The following PRKCA variants were observed in gnomAD, a reference collection of about 807,000 sequenced individuals.
The protein encoded by PRKCA is protein kinase C alpha.
Under a neutral mutation model 87.0 loss-of-function variants are expected in PRKCA, and 27 were observed. The observed-to-expected ratio is 0.31, with a 90% CI of 0.23 to 0.43. PRKCA has a LOEUF of 0.43. Among genes scored for constraint, PRKCA ranks in the 20% least tolerant of loss-of-function variants. The pLI, the probability that PRKCA is intolerant of heterozygous loss-of-function variation, is 1.00. For synonymous variants in PRKCA, 329 were observed against 311.1 expected, an observed-to-expected ratio of 1.06 and a Z score of -0.61; for missense variants, 518 against 852.3, an observed-to-expected ratio of 0.61 and a Z score of 4.88.
rs1399986113 is a variant in PRKCA at position 66,645,459 on chromosome 17, G to A, written c.477G>A (p.Arg159=). The change falls in exon 5 of 17, where the codon AGG becomes AGA. Residue 159 remains arginine (R), a synonymous_variant. Transcript: ENST00000413366. ...GCGGAATGGATCACACTGAGAAGAG[G>A]GGGCGGATTTACCTAAAGGCTGAGG... ...SLCGMDHTEK[R]GRIYLKAEVA... is the part of the protein sequence containing the mutation. 2 of 1,614,206 alleles carry A rather than the reference G, an allele frequency of 1.2e-6. No individual in the cohort carries two copies. Among genetic ancestry groups the A allele is most frequent in the Non-Finnish European group, 1.7e-6 (2 of 1,180,042 alleles).
chr17:66,592,984 G>A (rs976104111), intron 3 of PRKCA, among the ~76,000 whole-genome samples: 10 of 152,006 alleles, frequency 6.6e-5, no homozygotes, highest in Non-Finnish European at 1.5e-4. Flanking sequence ...TAGAGACAGG[G>A]TTTCACCACA....
chr17:66,763,680 G>A (rs769559447), intron 13 of PRKCA, among the ~76,000 whole-genome samples: 6 of 152,112 alleles, frequency 3.9e-5, no homozygotes, highest in Admixed American at 2.6e-4. Flanking sequence ...AAAGGCCACC[G>A]TTATTTTGTA....
intron 2 of PRKCA, among the ~76,000 whole-genome samples, chr17:66,380,943 C>CTTT (rs60151675): frequency 1.4e-5 from 2 of 142,762 alleles, no homozygotes; most frequent in African/African-American, 2.6e-5. Context: ...TTTTATTTTT[C>CTTT]TTTTTTTTTT....
At chr17:66,576,253 G>A (rs543168504) in intron 3 of PRKCA, among the ~76,000 whole-genome samples, 45 of 152,334 alleles carry the variant, frequency 3.0e-4, no homozygotes, top group South Asian at 1.0e-3. Flanking sequence ...TTTCATGTGC[G>A]CGGTTGCTCT....
rs535564569 is a variant in PRKCA at position 66,792,815 on chromosome 17, G to C, written c.1854+3836G>C. Among the ~76,000 whole-genome samples the C allele has an allele frequency of 6.6e-6, 1 of 152,314 alleles. No homozygotes were observed. Among genetic ancestry groups the C allele is most frequent in the South Asian group, 2.1e-4 (1 of 4,810 alleles). On this transcript the variant is annotated intron_variant, in intron 16 of 16. Coordinates refer to ENST00000413366, the MANE Select transcript of PRKCA (RefSeq NM_002737.3). The surrounding 1 kb of genome is among the most constrained non-coding windows in gnomAD (Gnocchi z 4.5). ...CCTGGCAGTGGCCATCTCCCCTGGT[G>C]GTGGCAGGGTCCCATGGCGGTGGTC...
chr17:66,745,180 C>T (rs958966830), intron 13 of PRKCA, among the ~76,000 whole-genome samples: 2 of 152,216 alleles, frequency 1.3e-5, no homozygotes, highest in African/African-American at 4.8e-5. Flanking sequence ...TGTTGGAGAA[C>T]CTCCTCACTG....
At chr17:66,469,349 CTG>C (rs1567845059) in intron 2 of PRKCA, among the ~76,000 whole-genome samples, 1 of 152,154 alleles carries the variant, frequency 6.6e-6, no homozygotes, top group African/African-American at 2.4e-5. Flanking sequence ...ATGAGGGGTG[CTG>C]TGTTTCTTAA....
At chr17:66,334,770 GAAT>G (rs1859106524) in intron 2 of PRKCA, among the ~76,000 whole-genome samples, 1 of 152,200 alleles carries the variant, frequency 6.6e-6, no homozygotes, top group African/African-American at 2.4e-5. Context: ...CTGCCCATAA[GAAT>G]TGAGAGCAGA....
chr17:66,787,275 C>T (rs1975423814), intron 15 of PRKCA: 6 of 497,060 alleles, frequency 1.2e-5, no homozygotes, highest in Admixed American at 1.2e-4. Flanking sequence ...TTTCATATTG[C>T]TATGCAGTGT....
chr17:66,606,313 G>A (rs535026254), intron 3 of PRKCA, among the ~76,000 whole-genome samples: 31 of 152,302 alleles, frequency 2.0e-4, no homozygotes, highest in African/African-American at 4.8e-4. Flanking sequence ...GCTTGAACCC[G>A]TGAAGCAGAG....
intron 2 of PRKCA, among the ~76,000 whole-genome samples, chr17:66,308,071 C>T (rs1904914239): frequency 6.6e-6 from 1 of 152,160 alleles, no homozygotes; most frequent in Non-Finnish European, 1.5e-5. Context: ...AATTTATTCA[C>T]CCATTCCTCT....
chr17:66,423,191 A>C (rs1445335770), intron 2 of PRKCA, among the ~76,000 whole-genome samples: 1 of 152,106 alleles, frequency 6.6e-6, no homozygotes, highest in East Asian at 1.9e-4. Flanking sequence ...GGGGATTGAT[A>C]GTGATTTAAT....
intron 2 of PRKCA, among the ~76,000 whole-genome samples, chr17:66,381,301 C>T (rs536560804): frequency 1.2e-4 from 18 of 152,196 alleles, no homozygotes; most frequent in Admixed American, 1.2e-3. Flanking sequence ...GAAAGGGAAA[C>T]TCATGGAGCA....
chr17:66,468,195 A>T (rs1915169813), intron 2 of PRKCA, among the ~76,000 whole-genome samples: 1 of 152,276 alleles, frequency 6.6e-6, no homozygotes, highest in Non-Finnish European at 1.5e-5. Flanking sequence ...CTACAGAATG[A>T]CTTTTTCCTT....
At chr17:66,405,247 G>A (rs902024489) in intron 2 of PRKCA, among the ~76,000 whole-genome samples, 3 of 152,210 alleles carry the variant, frequency 2.0e-5, no homozygotes, top group Non-Finnish European at 2.9e-5. Context: ...CCTGAAGGCC[G>A]TGGGGATTTC....
At chr17:66,644,809 A>G (rs1240862543) in intron 4 of PRKCA, among the ~76,000 whole-genome samples, 1 of 152,118 alleles carries the variant, frequency 6.6e-6, no homozygotes, top group Non-Finnish European at 1.5e-5. Flanking sequence ...CCAGAATGAC[A>G]TAAAGAATTC....
intron 2 of PRKCA, among the ~76,000 whole-genome samples, chr17:66,330,793 T>C (rs1906281059): frequency 2.6e-5 from 4 of 152,148 alleles, no homozygotes; most frequent in Admixed American, 2.6e-4. Flanking sequence ...AAAAACAATT[T>C]TGGACTTGTC....
chr17:66,636,132 C>T (rs1025584637), intron 3 of PRKCA, among the ~76,000 whole-genome samples: 1 of 152,096 alleles, frequency 6.6e-6, no homozygotes. Context: ...ATGAGGAAAT[C>T]AGGGCCCACA....
At chr17:66,383,221 A>G (rs1909867474) in intron 2 of PRKCA, among the ~76,000 whole-genome samples, 1 of 152,078 alleles carries the variant, frequency 6.6e-6, no homozygotes, top group Non-Finnish European at 1.5e-5. Flanking sequence ...TAAGGGTAGT[A>G]TTTGTAAGTT....
Sources: gnomAD v4.1 joint callset for allele counts (sites outside exome capture counted in the v4.1 genomes callset) on GRCh38, gnomAD v4.1.1 for gene constraint, Gnocchi (gnomAD v3.1) non-coding constraint, MANE v1.5 for transcripts, NCBI Gene and HGNC (gene_info 2026-07-23, HGNC 2026-07-21) for gene names.